ERBB4: variants seen among roughly 807,000 people sequenced by gnomAD.
The protein encoded by ERBB4 is erb-b2 receptor tyrosine kinase 4, also known as receptor tyrosine-protein kinase erbB-4.
ERBB4 carries 42 observed loss-of-function variants against 158.0 expected under a neutral mutation model. The ratio of observed to expected loss-of-function variants is 0.27; its 90% CI spans 0.21 to 0.34. ERBB4 has a LOEUF of 0.34. Among genes scored for constraint, ERBB4 ranks in the 10% least tolerant of loss-of-function variants. The pLI, the probability that ERBB4 is intolerant of heterozygous loss-of-function variation, is 1.00. For missense variants in ERBB4, 1,333 were observed against 1,624.1 expected (o/e 0.82, Z 3.08); for synonymous variants, 583 against 558.7 (o/e 1.04, Z -0.61).
chr2:211,746,244 C>A (rs970912625), intron 5 of ERBB4, among the ~76,000 whole-genome samples: 5 of 151,980 alleles, frequency 3.3e-5, no homozygotes, highest in African/African-American at 1.2e-4. Context: ...AGAGACAACC[C>A]ATCACTATCA....
chr2:211,799,572 G>C lies in ERBB4; in HGVS notation c.422-11413C>G, dbSNP rs566899775. Among the ~76,000 whole-genome samples, 4 of 152,262 alleles carry C rather than the reference G, an allele frequency of 2.6e-5. No individual in the cohort carries two copies. In the South Asian group the frequency reaches 6.2e-4, roughly 24 times the overall value. On this transcript the variant is annotated intron_variant, in intron 3 of 27. Transcript: ENST00000342788. ...ACTGGGTAACCATGACTCTGCCATA[G>C]AGCAACAGCCTTTCAGGAAGGGAAT...
chr2:212,262,053 T>C, intron 1 of ERBB4, among the ~76,000 whole-genome samples: 1 of 152,274 alleles, frequency 6.6e-6, no homozygotes, highest in Middle Eastern at 3.4e-3. Context: ...TAGTTTAAAT[T>C]ATTGATTAAC....
At chr2:212,411,343 C>T (rs1013527293) in intron 1 of ERBB4, among the ~76,000 whole-genome samples, 1 of 152,052 alleles carries the variant, frequency 6.6e-6, no homozygotes, top group Non-Finnish European at 1.5e-5. Flanking sequence ...CAGAGACCTC[C>T]TATAAGTTTT....
At chr2:211,466,339 T>G (rs1180330615) in intron 20 of ERBB4, among the ~76,000 whole-genome samples, 3 of 139,720 alleles carry the variant, frequency 2.1e-5, no homozygotes, top group East Asian at 2.0e-4. Flanking sequence ...GTAGTTTTTT[T>G]TTTTTTTTTT....
At chr2:211,600,566 A>T (rs1384159501) in intron 19 of ERBB4, among the ~76,000 whole-genome samples, 1 of 152,152 alleles carries the variant, frequency 6.6e-6, no homozygotes, top group East Asian at 1.9e-4. Context: ...TAACAATTAA[A>T]ATCCTTATAA....
intron 20 of ERBB4, among the ~76,000 whole-genome samples, chr2:211,516,924 C>T (rs559969720): frequency 1.7e-3 from 263 of 152,200 alleles, no homozygotes; most frequent in African/African-American, 5.8e-3. Flanking sequence ...TGGATTTGCT[C>T]CATCAATGTA....
chr2:212,337,564 G>T (rs903515132), intron 1 of ERBB4, among the ~76,000 whole-genome samples: 3 of 152,060 alleles, frequency 2.0e-5, no homozygotes, highest in African/African-American at 7.2e-5. Flanking sequence ...TCACCAGGGG[G>T]CTTATTAAAA....
At position 211,701,964 on chromosome 2, in the gene ERBB4, T is replaced by C; in HGVS notation, c.1489+3A>G. ...GTTTTAAATGTCTGAGTAATGTACTTACTACAATTTTCAGCTTTTCTGTTG... is the reference window on the plus strand; with the variant it reads ...GTTTTAAATGTCTGAGTAATGTACTCACTACAATTTTCAGCTTTTCTGTTG... On this transcript the variant is annotated splice_donor_region_variant and intron_variant, in intron 12 of 27. Coordinates refer to ENST00000342788, the MANE Select transcript of ERBB4 (RefSeq NM_005235.3). The C allele has an allele frequency of 6.2e-7, 1 of 1,605,418 alleles. No individual in the cohort carries two copies. The highest frequency in any genetic ancestry group is 8.5e-7 in the Non-Finnish European group (1 of 1,172,104).
intron 1 of ERBB4, among the ~76,000 whole-genome samples, chr2:212,195,695 C>T (rs1454414829): frequency 6.6e-6 from 1 of 151,836 alleles, no homozygotes; most frequent in Non-Finnish European, 1.5e-5. Flanking sequence ...AAATAAACAA[C>T]AAAAACATGG....
intron 1 of ERBB4, among the ~76,000 whole-genome samples, chr2:212,286,601 T>TTTTTTTG (rs1559928565): frequency 8.4e-6 from 1 of 118,404 alleles, no homozygotes. Flanking sequence ...TGACTTTTTT[T>TTTTTTTG]TTTTTTTTTT....
chr2:211,388,565 T>A (rs557963060), intron 25 of ERBB4, among the ~76,000 whole-genome samples: 7 of 151,746 alleles, frequency 4.6e-5, no homozygotes, highest in East Asian at 1.9e-4. Context: ...AGTCTCACAT[T>A]TTTTTTGTTT....
At chr2:212,102,646 C>T (rs959639098) in intron 2 of ERBB4, among the ~76,000 whole-genome samples, 2 of 152,040 alleles carry the variant, frequency 1.3e-5, no homozygotes, top group African/African-American at 4.8e-5. Flanking sequence ...AGTTAAATAT[C>T]GTAAGTAATA....
At chr2:212,170,219 T>G (rs1164755790) in intron 1 of ERBB4, among the ~76,000 whole-genome samples, 1 of 152,110 alleles carries the variant, frequency 6.6e-6, no homozygotes. Flanking sequence ...CAGATGGAGA[T>G]GAGGAATTTA....
At chr2:212,536,646 G>A (rs1466490516) in intron 1 of ERBB4, among the ~76,000 whole-genome samples, 1 of 152,200 alleles carries the variant, frequency 6.6e-6, no homozygotes, top group African/African-American at 2.4e-5. Flanking sequence ...GAGGACAGCT[G>A]CAGAACTAAT....
intron 19 of ERBB4, among the ~76,000 whole-genome samples, chr2:211,604,472 G>T (rs563347844): frequency 6.8e-6 from 1 of 147,970 alleles, no homozygotes; most frequent in Non-Finnish European, 1.5e-5. Flanking sequence ...AATCCTCCAA[G>T]GTCCCTTGTC....
intron 1 of ERBB4, among the ~76,000 whole-genome samples, chr2:212,412,142 T>C (rs749480848): frequency 3.9e-5 from 6 of 152,156 alleles, no homozygotes; most frequent in Non-Finnish European, 7.4e-5. Context: ...GGTGTGAGAA[T>C]AGAAATCAAA....
chr2:211,948,914 G>C (rs138025924), intron 2 of ERBB4, among the ~76,000 whole-genome samples: 52 of 151,806 alleles, frequency 3.4e-4, no homozygotes, highest in African/African-American at 1.2e-3. Context: ...TCCTTACTTG[G>C]ATGTCTAGTA....
chr2:211,559,405 C>T (rs1186804034), intron 20 of ERBB4, among the ~76,000 whole-genome samples: 1 of 152,178 alleles, frequency 6.6e-6, no homozygotes, highest in South Asian at 2.1e-4. Context: ...ATTTTTCTTG[C>T]TATACTGGGT....
At chr2:211,569,893 A>G (rs1378459586) in intron 19 of ERBB4, among the ~76,000 whole-genome samples, 1 of 152,154 alleles carries the variant, frequency 6.6e-6, no homozygotes, top group Non-Finnish European at 1.5e-5. Flanking sequence ...GTTGTACTTC[A>G]TTTACCTCTA....
Sources: allele counts gnomAD v4.1 joint callset (sites outside exome capture counted in the v4.1 genomes callset), GRCh38; gene constraint gnomAD v4.1.1; transcripts MANE v1.5; gene names NCBI Gene and HGNC (gene_info 2026-07-23, HGNC 2026-07-21).